CNTNAP3B: variants seen among roughly 807,000 people sequenced by gnomAD.
CNTNAP3B encodes contactin-associated protein-like 3B.
In CNTNAP3B, 25 loss-of-function variants were observed where a neutral mutation model predicts 108.9. The observed-to-expected ratio is 0.23, with a 90% CI of 0.17 to 0.32. The LOEUF is 0.32. Ranked by LOEUF, CNTNAP3B falls within the 10% of genes least tolerant of loss-of-function variation. The pLI, the probability that CNTNAP3B is intolerant of heterozygous loss-of-function variation, is 1.00. For synonymous variants in CNTNAP3B, 103 were observed against 473.4 expected (o/e 0.22, Z 10.16); for missense variants, 252 against 1,210.4 (o/e 0.21, Z 11.75).
intron 1 of CNTNAP3B, among the ~76,000 whole-genome samples, chr9:42,115,522 G>A (rs1260069521): frequency 1.4e-5 from 2 of 139,214 alleles, no homozygotes; most frequent in African/African-American, 5.7e-5. Flanking sequence ...AGCTTCCAGA[G>A]GAAGGATCAG....
chr9:41,958,801 G>T (rs1181166022), intron 12 of CNTNAP3B, among the ~76,000 whole-genome samples: 1 of 151,488 alleles, frequency 6.6e-6, no homozygotes. Context: ...AGAACAGAAA[G>T]CTCTGGTGTA....
intron 3 of CNTNAP3B, among the ~76,000 whole-genome samples, chr9:42,054,592 T>C (rs1373037208): frequency 6.6e-6 from 1 of 151,646 alleles, no homozygotes; most frequent in Non-Finnish European, 1.5e-5. Context: ...AGCCAGGTGC[T>C]GTCTGCACCA....
chr9:41,966,304 G>A (rs1460521679), intron 10 of CNTNAP3B, among the ~76,000 whole-genome samples: 2 of 152,420 alleles, frequency 1.3e-5, no homozygotes, highest in South Asian at 4.1e-4. Flanking sequence ...TCAACAGGGA[G>A]AGAATAATTT....
rs1014627380 is a variant in CNTNAP3B at position 42,005,394 on chromosome 9, T to C, written c.539-6790A>G. Among the ~76,000 whole-genome samples the C allele has an allele frequency of 1.8e-4, 17 of 95,876 alleles. 4 individuals carry two copies. Among genetic ancestry groups the C allele is most frequent in the Non-Finnish European group, 2.9e-4 (14 of 47,728 alleles). 62.9% of individuals were successfully genotyped at this position (95,876 alleles called of 152,430 possible). On this transcript the variant is annotated intron_variant, in intron 4 of 23. Coordinates refer to ENST00000377561, the MANE Select transcript of CNTNAP3B (RefSeq NM_001201380.3). ...TTTGTAGAGATGGAGTTTTGCTGTG[T>C]TGCCCAGACTGGGCAATCAAGTAAT...
At chr9:42,107,805 C>T (rs1296297875) in intron 1 of CNTNAP3B, among the ~76,000 whole-genome samples, 1 of 133,466 alleles carries the variant, frequency 7.5e-6, no homozygotes, top group Non-Finnish European at 1.6e-5. Flanking sequence ...GAAACCCCGT[C>T]TCTACTAAAA....
chr9:42,058,306 G>T (rs1252105572), intron 3 of CNTNAP3B, among the ~76,000 whole-genome samples: 2 of 152,188 alleles, frequency 1.3e-5, no homozygotes, highest in African/African-American at 4.8e-5. Context: ...TTCCATAATG[G>T]ATATACAAAT....
At chr9:41,935,820 T>A (rs1824139953) in intron 14 of CNTNAP3B, among the ~76,000 whole-genome samples, 1 of 152,296 alleles carries the variant, frequency 6.6e-6, no homozygotes, top group Non-Finnish European at 1.5e-5. Context: ...CTCCTGAATT[T>A]TTTTCCAAAT....
intron 13 of CNTNAP3B, among the ~76,000 whole-genome samples, chr9:41,951,937 C>T (rs62536508): frequency 2.6e-4 from 39 of 149,166 alleles, no homozygotes; most frequent in East Asian, 1.0e-3. Context: ...ATTAGCCGGG[C>T]GTGGCGGCAC....
At chr9:41,916,523 G>A (rs200896007) in intron 18 of CNTNAP3B, among the ~76,000 whole-genome samples, 1 of 151,204 alleles carries the variant, frequency 6.6e-6, no homozygotes. Context: ...TAATAGCAGT[G>A]AATTCTCTGC....
intron 14 of CNTNAP3B, among the ~76,000 whole-genome samples, chr9:41,930,432 A>T (rs1823944341): frequency 1.3e-5 from 2 of 152,308 alleles, no homozygotes; most frequent in South Asian, 4.1e-4. Flanking sequence ...AGTCCCAGCT[A>T]CATGGGAGGC....
chr9:42,051,919 C>T lies in CNTNAP3B; in HGVS notation c.390+24950G>A, dbSNP rs1305534332. Among the ~76,000 whole-genome samples the T allele has an allele frequency of 2.7e-4, 41 of 152,192 alleles. No homozygotes were observed. In the South Asian group the frequency reaches 8.6e-3, roughly 32 times the overall value. ...CTTTTGCCAGAGTGTAGCACAATAG[C>T]TCCCTTGGGAACTCTTTCAACTGCG... is the stretch of plus-strand genomic sequence containing the variant. On this transcript the variant is annotated intron_variant, in intron 3 of 23. Transcript: ENST00000377561.
intron 14 of CNTNAP3B, among the ~76,000 whole-genome samples, chr9:41,931,649 T>C (rs1329604135): frequency 6.6e-6 from 1 of 150,450 alleles, no homozygotes; most frequent in African/African-American, 2.5e-5. Context: ...GAACAGAATA[T>C]TGATTATCTA....
chr9:41,944,754 C>T (rs1352468516), intron 13 of CNTNAP3B, among the ~76,000 whole-genome samples: 1 of 152,240 alleles, frequency 6.6e-6, no homozygotes, highest in Non-Finnish European at 1.5e-5. Flanking sequence ...GCAACAAAAG[C>T]CAAAATTGAC....
In CNTNAP3B at chr9:42,026,886, G is replaced by A. The variant is rs926419296; in HGVS notation, c.391-13361C>T. Among the ~76,000 whole-genome samples the A allele has an allele frequency of 2.4e-5, 3 of 126,620 alleles. 1 individual carries two copies. The highest frequency in any genetic ancestry group is 9.9e-5 in the African/African-American group (3 of 30,446). 83.1% of individuals were successfully genotyped at this position (126,620 alleles called of 152,430 possible). On this transcript the variant is annotated intron_variant, in intron 3 of 23. Transcript: ENST00000377561. Reference sequence around the variant, plus strand: ...AAAGTAGATAATGGGAGACTTTTAAGCAAACAGTCGGGGTCTCTTACCTAA... The same window carrying A: ...AAAGTAGATAATGGGAGACTTTTAAACAAACAGTCGGGGTCTCTTACCTAA...
In CNTNAP3B at chr9:42,057,409, T is replaced by C. The variant is rs182432457; in HGVS notation, c.390+19460A>G. ...TAGTAGAGACAGGGTTTCACCACGT[T>C]AGCTAGTCTGCTCTCAAACTCCTGA... On this transcript the variant is annotated intron_variant, in intron 3 of 23. Coordinates refer to ENST00000377561, the MANE Select transcript of CNTNAP3B (RefSeq NM_001201380.3). Among the ~76,000 whole-genome samples, 226 of 93,890 alleles carry C rather than the reference T, an allele frequency of 2.4e-3. 66 individuals are homozygous for C. The highest frequency in any genetic ancestry group is 5.2e-3 in the Middle Eastern group (1 of 194). The allele number at this position is 93,890 out of a possible 152,430, so 61.6% of individuals were successfully genotyped here.
chr9:41,929,402 T>C lies in CNTNAP3B; in HGVS notation c.2280A>G (p.Pro760=). ...TIVLSQKEHL[P]VTQIVMTDTG... is the part of the protein sequence containing the mutation. ...TGTCTGTCATCACAATCTGAGTGAC[T>C]GGGAGGTGCTCCTTTTGGGAAAGGA... The change falls in exon 15 of 24, where the codon CCA becomes CCG. Residue 760 remains proline (P), a synonymous_variant. Transcript: ENST00000377561. 6.5e-7 allele frequency: 1 copy of C among 1,541,438 alleles called. No individual in the cohort carries two copies. The highest frequency in any genetic ancestry group is 2.2e-4 in the Middle Eastern group (1 of 4,562).
At chr9:41,927,832 G>C (rs2117991167) in intron 15 of CNTNAP3B, among the ~76,000 whole-genome samples, 1 of 151,550 alleles carries the variant, frequency 6.6e-6, no homozygotes, top group South Asian at 2.1e-4. Flanking sequence ...GAAAAGCTTA[G>C]AATAATCATA....
chr9:41,935,291 A>G (rs1824122580), intron 14 of CNTNAP3B, among the ~76,000 whole-genome samples: 5 of 114,592 alleles, frequency 4.4e-5, no homozygotes, highest in Admixed American at 1.9e-4. Context: ...CAACTTATGG[A>G]AAAATGGCGA....
chr9:42,115,733 A>C (rs557343701), intron 1 of CNTNAP3B, among the ~76,000 whole-genome samples: 1,321 of 119,166 alleles, frequency 0.011, 127 homozygotes, highest in Non-Finnish European at 0.016. Context: ...TCAAAGACCA[A>C]AGGTACATAA....
Sources: allele counts gnomAD v4.1 joint callset (sites outside exome capture counted in the v4.1 genomes callset), GRCh38; gene constraint gnomAD v4.1.1; transcripts MANE v1.5; gene names NCBI Gene and HGNC (gene_info 2026-07-23, HGNC 2026-07-21).